Variants in SCN3A observed in about 807,000 individuals in gnomAD.
SCN3A encodes sodium channel protein type 3 subunit alpha.
SCN3A carries 60 observed loss-of-function variants against 187.6 expected under a neutral mutation model. The observed-to-expected ratio is 0.32, with a 90% CI of 0.26 to 0.40. SCN3A has a LOEUF of 0.40. Ranked by LOEUF, SCN3A falls within the 10% of genes least tolerant of loss-of-function variation. The probability of loss-of-function intolerance (pLI) is 1.00; values close to 1 mark genes in which losing one functional copy is unlikely to be tolerated. For synonymous variants in SCN3A, 788 were observed against 829.2 expected (o/e 0.95, Z 0.85); for missense variants, 1,601 against 2,428.2 (o/e 0.66, Z 7.16).
chr2:165,156,403 C>T (rs1050709453), intron 9 of SCN3A, among the ~76,000 whole-genome samples: 1 of 150,036 alleles, frequency 6.7e-6, no homozygotes, highest in African/African-American at 2.4e-5. Context: ...GTCCCAGCTA[C>T]TCGGGAGGCT....
chr2:165,102,097 G>A (rs1025084155), intron 21 of SCN3A, among the ~76,000 whole-genome samples: 8 of 152,170 alleles, frequency 5.3e-5, no homozygotes, highest in Admixed American at 2.6e-4. Context: ...TGTTTCTAGA[G>A]TTACTATCTG....
chr2:165,142,193 G>A (rs1273596400), intron 12 of SCN3A, among the ~76,000 whole-genome samples: 1 of 152,080 alleles, frequency 6.6e-6, no homozygotes, highest in African/African-American at 2.4e-5. Flanking sequence ...TATGTCAGCA[G>A]CAAACATTCC....
intron 1 of SCN3A, among the ~76,000 whole-genome samples, chr2:165,196,930 G>T (rs2105986345): frequency 6.6e-6 from 1 of 152,172 alleles, no homozygotes; most frequent in African/African-American, 2.4e-5. Context: ...ATAGCAATTT[G>T]TAAGTAAGAA....
intron 2 of SCN3A, among the ~76,000 whole-genome samples, chr2:165,181,695 T>A (rs1405790536): frequency 1.3e-5 from 2 of 152,200 alleles, no homozygotes; most frequent in Non-Finnish European, 2.9e-5. Flanking sequence ...AATACTCAAG[T>A]CTGAATAACC....
chr2:165,130,350 A>G (rs1467762892), intron 16 of SCN3A, 54 bp from the exon 17 acceptor site: 135 of 1,564,722 alleles, frequency 8.6e-5, no homozygotes, highest in Non-Finnish European at 1.1e-4. Flanking sequence ...AATTTTAGAC[A>G]TTATTTTATT....
At chr2:165,105,503 A>T (rs1685806285) in intron 21 of SCN3A, among the ~76,000 whole-genome samples, 1 of 152,132 alleles carries the variant, frequency 6.6e-6, no homozygotes, top group Admixed American at 6.5e-5. Context: ...AGTAGTTCCT[A>T]GAAAAGGGCT....
intron 21 of SCN3A, among the ~76,000 whole-genome samples, chr2:165,109,104 T>C (rs1053968609): frequency 1.3e-5 from 2 of 152,176 alleles, no homozygotes; most frequent in African/African-American, 4.8e-5. Context: ...AAAACCCAAC[T>C]ATCTTCTCTG....
intron 11 of SCN3A, 28 bp from the exon 12 acceptor site, chr2:165,147,057 T>C (rs2105835087): frequency 6.2e-7 from 1 of 1,613,340 alleles, no homozygotes; most frequent in South Asian, 1.1e-5. Context: ...CAGGCACTAT[T>C]TAGAACACAG....
intron 2 of SCN3A, among the ~76,000 whole-genome samples, chr2:165,185,528 T>C (rs980752421): frequency 3.3e-5 from 5 of 152,138 alleles, no homozygotes; most frequent in African/African-American, 1.2e-4. Context: ...TGGGATAAAA[T>C]ACATGGCACT....
intron 15 of SCN3A, among the ~76,000 whole-genome samples, chr2:165,133,335 A>G (rs1477008228): frequency 2.6e-5 from 4 of 151,992 alleles, no homozygotes; most frequent in Admixed American, 1.3e-4. Flanking sequence ...ATGCACACGT[A>G]TGTTTATTTT....
At chr2:165,152,146 T>C (rs1009292683) in intron 11 of SCN3A, among the ~76,000 whole-genome samples, 10 of 152,146 alleles carry the variant, frequency 6.6e-5, no homozygotes, top group Non-Finnish European at 8.8e-5. Context: ...TGGAATTCAA[T>C]TGAAGATTGT....
intron 9 of SCN3A, among the ~76,000 whole-genome samples, chr2:165,156,368 C>T (rs1462876114): frequency 6.6e-6 from 1 of 150,472 alleles, no homozygotes; most frequent in African/African-American, 2.4e-5. Context: ...AAACAATTAG[C>T]TGGGCGTTGT....
intron 11 of SCN3A, 51 bp from the exon 12 acceptor site, chr2:165,147,080 A>C (rs753313629): frequency 6.2e-7 from 1 of 1,604,102 alleles, no homozygotes; most frequent in Non-Finnish European, 8.5e-7. Context: ...CTTTGAAAAC[A>C]GTTGAGTATG....
At chr2:165,176,530 CT>C in intron 2 of SCN3A, 86 bp from the exon 3 acceptor site, 1 of 988,876 alleles carries the variant, frequency 1.0e-6, no homozygotes, top group Non-Finnish European at 1.5e-6. Flanking sequence ...TTTTTAGTAA[CT>C]TTTTAAAGCT....
intron 2 of SCN3A, among the ~76,000 whole-genome samples, chr2:165,184,483 G>GA (rs397986547): frequency 0.012 from 706 of 59,306 alleles, 5 homozygotes; most frequent in Middle Eastern, 0.02. Context: ...GTCTAGTTCA[G>GA]AAAAAAAAAA....
At chr2:165,135,557 T>G (rs2105792406) in intron 15 of SCN3A, among the ~76,000 whole-genome samples, 1 of 152,236 alleles carries the variant, frequency 6.6e-6, no homozygotes, top group East Asian at 1.9e-4. Flanking sequence ...ATCTATAATA[T>G]AGTCCTAAGT....
At chr2:165,187,193 C>T (rs1460718822) in intron 1 of SCN3A, among the ~76,000 whole-genome samples, 2 of 152,078 alleles carry the variant, frequency 1.3e-5, no homozygotes, top group African/African-American at 4.8e-5. Context: ...TTTCTAGTTC[C>T]TTCTCCTCTC....
At chr2:165,182,242 A>C (rs1419288196) in intron 2 of SCN3A, among the ~76,000 whole-genome samples, 1 of 152,186 alleles carries the variant, frequency 6.6e-6, no homozygotes, top group Non-Finnish European at 1.5e-5. Flanking sequence ...GTTAGTCACC[A>C]CTCAATAGTC....
chr2:165,111,161 C>A (rs1471332542), intron 21 of SCN3A, among the ~76,000 whole-genome samples: 2 of 152,028 alleles, frequency 1.3e-5, no homozygotes, highest in African/African-American at 4.8e-5. Flanking sequence ...ATGGCAAAAC[C>A]CTGTCTCTAC....
Sources: gnomAD v4.1 joint callset for allele counts (sites outside exome capture counted in the v4.1 genomes callset) on GRCh38, gnomAD v4.1.1 for gene constraint, MANE v1.5 for transcripts, NCBI Gene and HGNC (gene_info 2026-07-23, HGNC 2026-07-21) for gene names.